Variants in PDSS2 observed in about 807,000 individuals in gnomAD.
PDSS2 encodes decaprenyl diphosphate synthase subunit 2, also known as all trans-polyprenyl-diphosphate synthase PDSS2.
PDSS2 carries 31 observed loss-of-function variants against 44.5 expected under a neutral mutation model. The ratio of observed to expected loss-of-function variants is 0.70; its 90% CI spans 0.52 to 0.94. The LOEUF is 0.94. Among genes scored for constraint, PDSS2 ranks in the 40% least tolerant of loss-of-function variants. The probability of loss-of-function intolerance (pLI) is 0.00; values close to 1 mark genes in which losing one functional copy is unlikely to be tolerated. For synonymous variants in PDSS2, 157 were observed against 180.3 expected, an observed-to-expected ratio of 0.87 and a Z score of 1.03; for missense variants, 452 against 482.2, an observed-to-expected ratio of 0.94 and a Z score of 0.59.
chr6:107,365,141 C>T (rs1248718751), intron 1 of PDSS2, among the ~76,000 whole-genome samples: 1 of 151,984 alleles, frequency 6.6e-6, no homozygotes, highest in Admixed American at 6.6e-5. Flanking sequence ...CTCATTTCTT[C>T]TCTTAAATTT....
chr6:107,411,628 C>CT (rs572635519), intron 1 of PDSS2, among the ~76,000 whole-genome samples: 12 of 152,056 alleles, frequency 7.9e-5, no homozygotes, highest in South Asian at 6.2e-4. Flanking sequence ...TATATACAGA[C>CT]TTTTTTCTTG....
chr6:107,439,317 AG>A (rs1781446638), intron 1 of PDSS2, among the ~76,000 whole-genome samples: 1 of 152,266 alleles, frequency 6.6e-6, no homozygotes, highest in Non-Finnish European at 1.5e-5. Flanking sequence ...AAAACAGAAT[AG>A]AACATTAAGT....
intron 2 of PDSS2, among the ~76,000 whole-genome samples, chr6:107,291,058 CT>C (rs1776329394): frequency 6.6e-6 from 1 of 151,234 alleles, no homozygotes; most frequent in African/African-American, 2.4e-5. Flanking sequence ...AGCATACATA[CT>C]TTTGTAAACC....
intron 1 of PDSS2, among the ~76,000 whole-genome samples, chr6:107,415,958 A>G (rs1780645850): frequency 6.6e-6 from 1 of 152,218 alleles, no homozygotes; most frequent in Non-Finnish European, 1.5e-5. Context: ...TTTAATTTAC[A>G]TACCTTCTTT....
chr6:107,390,172 C>T (rs1191869421), intron 1 of PDSS2, among the ~76,000 whole-genome samples: 1 of 152,048 alleles, frequency 6.6e-6, no homozygotes, highest in Non-Finnish European at 1.5e-5. Flanking sequence ...TGAGTGTGGG[C>T]TAGATTTAGT....
chr6:107,267,180 G>A (rs971631429), intron 3 of PDSS2, among the ~76,000 whole-genome samples: 6 of 152,232 alleles, frequency 3.9e-5, no homozygotes, highest in East Asian at 1.9e-4. Flanking sequence ...CAACTATACC[G>A]AGGCAAATTA....
At chr6:107,371,302 G>A (rs554849789) in intron 1 of PDSS2, among the ~76,000 whole-genome samples, 68 of 152,294 alleles carry the variant, frequency 4.5e-4, no homozygotes, top group African/African-American at 1.5e-3. Flanking sequence ...ACTCAAAGAA[G>A]TGGACAAACT....
chr6:107,245,526 T>A (rs758179262), intron 4 of PDSS2, 22 bp downstream of exon 4: 1 of 1,390,404 alleles, frequency 7.2e-7, no homozygotes, highest in Non-Finnish European at 1.0e-6. Context: ...ACATAACATT[T>A]TATGACTCTG....
At position 107,153,276 on chromosome 6, in the gene PDSS2, C is replaced by T. The variant is rs1770771079; in HGVS notation, c.*1343G>A. 6.6e-6 allele frequency: 1 copy of T among 152,620 alleles called. No individual in the cohort carries two copies. Among genetic ancestry groups the T allele is most frequent in the East Asian group, 1.9e-4 (1 of 5,194 alleles). 9.5% of individuals were successfully genotyped at this position (152,620 alleles called of 1,614,324 possible). A position where few individuals can be genotyped will look rare whatever the true frequency, so the allele number is the denominator to read the frequency against. ...AGATCATTTATGTAAACTCAGCCTTCTTGTCAACGGTGTTCTCAAATTGCA... is the reference window on the plus strand; with the variant it reads ...AGATCATTTATGTAAACTCAGCCTTTTTGTCAACGGTGTTCTCAAATTGCA... On this transcript the variant is annotated 3_prime_UTR_variant, in exon 8 of 8. Coordinates refer to ENST00000369037, the MANE Select transcript of PDSS2 (RefSeq NM_020381.4).
chr6:107,407,329 A>G (rs1780352379), intron 1 of PDSS2, among the ~76,000 whole-genome samples: 1 of 152,198 alleles, frequency 6.6e-6, no homozygotes, highest in Non-Finnish European at 1.5e-5. Flanking sequence ...TCTATTTGTG[A>G]TCATAAAAAA....
At chr6:107,454,495 C>T (rs1781972992) in intron 1 of PDSS2, among the ~76,000 whole-genome samples, 1 of 152,192 alleles carries the variant, frequency 6.6e-6, no homozygotes. Flanking sequence ...GTAACAGAAT[C>T]ATTATCTCAC....
At chr6:107,411,539 G>C (rs1281916690) in intron 1 of PDSS2, among the ~76,000 whole-genome samples, 1 of 152,052 alleles carries the variant, frequency 6.6e-6, no homozygotes, top group Non-Finnish European at 1.5e-5. Context: ...CCATGTTTGT[G>C]GGTTCTGCAT....
chr6:107,238,677 G>A (rs1467923705), intron 4 of PDSS2, among the ~76,000 whole-genome samples: 1 of 152,174 alleles, frequency 6.6e-6, no homozygotes, highest in Non-Finnish European at 1.5e-5. Context: ...CTCCTATAAG[G>A]AAAGCAGGTA....
At chr6:107,446,183 G>A (rs1156465750) in intron 1 of PDSS2, among the ~76,000 whole-genome samples, 1 of 151,998 alleles carries the variant, frequency 6.6e-6, no homozygotes, top group African/African-American at 2.4e-5. Flanking sequence ...GGGCGTGGTG[G>A]TGCACACCTG....
intron 6 of PDSS2, among the ~76,000 whole-genome samples, chr6:107,208,649 G>A (rs1170202327): frequency 3.5e-5 from 5 of 141,266 alleles, no homozygotes; most frequent in Admixed American, 7.4e-5. Context: ...AGCTCTTGTC[G>A]CTCAGGCTAG....
chr6:107,292,151 C>CAGT (rs1776369236), intron 2 of PDSS2, among the ~76,000 whole-genome samples: 1 of 151,066 alleles, frequency 6.6e-6, no homozygotes, highest in African/African-American at 2.4e-5. Flanking sequence ...ATCTTGCATG[C>CAGT]CATGAAAACA....
chr6:107,304,372 T>G (rs1776790296), intron 2 of PDSS2, among the ~76,000 whole-genome samples: 1 of 152,280 alleles, frequency 6.6e-6, no homozygotes, highest in African/African-American at 2.4e-5. Flanking sequence ...TTCTGCATAT[T>G]CCGCATGTAC....
At chr6:107,432,917 C>T (rs112560153) in intron 1 of PDSS2, among the ~76,000 whole-genome samples, 21 of 152,212 alleles carry the variant, frequency 1.4e-4, no homozygotes, top group African/African-American at 5.1e-4. Flanking sequence ...CAATCTCTCC[C>T]TATCCTTCCC....
At chr6:107,447,249 T>G (rs1443414187) in intron 1 of PDSS2, among the ~76,000 whole-genome samples, 1 of 151,924 alleles carries the variant, frequency 6.6e-6, no homozygotes, top group Non-Finnish European at 1.5e-5. Flanking sequence ...GGCAGGAGAA[T>G]GGCGTGAACC....
Sources: allele counts gnomAD v4.1 joint callset (sites outside exome capture counted in the v4.1 genomes callset), GRCh38; gene constraint gnomAD v4.1.1; transcripts MANE v1.5; gene names NCBI Gene and HGNC (gene_info 2026-07-23, HGNC 2026-07-21).